The following CLDN22 variants were observed in gnomAD, a reference collection of about 807,000 sequenced individuals.
CLDN22 encodes the protein claudin-22.
For missense variants in CLDN22, 227 were observed against 252.2 expected, an observed-to-expected ratio of 0.90 and a Z score of 0.68; for synonymous variants, 86 against 107.9, an observed-to-expected ratio of 0.80 and a Z score of 1.26.
chr4:183,320,028 C>A lies in CLDN22; in HGVS notation c.191G>T (p.Cys64Phe). ...CVIQEEVGMQ[C>F]KDFDSFLALP... ...AGCCAGGAAGGAGTCAAAGTCCTTG[C>A]ATTGCATCCCCACTTCCTCTTGGAT... Residue 64 changes from cysteine to phenylalanine, a missense_variant, in exon 1 of 1, where the codon TGC becomes TTC. By Grantham distance (205) the Cys-to-Phe change is radical. Coordinates refer to ENST00000323319, the MANE Select transcript of CLDN22 (RefSeq NM_001111319.3). 1 of 1,614,022 alleles carries A rather than the reference C, an allele frequency of 6.2e-7. No homozygotes were observed. Among genetic ancestry groups the A allele is most frequent in the Non-Finnish European group, 8.5e-7 (1 of 1,179,934 alleles).
rs772267389 is a variant in CLDN22 at position 183,318,458 on chromosome 4, T to C, written c.*1098A>G. The stretch of plus-strand genomic sequence containing the variant: ...GATTAACTGGTTTCTGCACTTTCCA[T>C]GTGTTTGTGGGTGGAAAAAAATTCA... On this transcript the variant is annotated 3_prime_UTR_variant, in exon 1 of 1. Coordinates refer to ENST00000323319, the MANE Select transcript of CLDN22 (RefSeq NM_001111319.3). 6.7e-6 allele frequency: 1 copy of C among 150,320 alleles called. No individual in the cohort carries two copies. The highest frequency in any genetic ancestry group is 1.5e-5 in the Non-Finnish European group (1 of 67,680). 9.3% of individuals were successfully genotyped at this position (150,320 alleles called of 1,614,324 possible). A position where few individuals can be genotyped will look rare whatever the true frequency, so the allele number is the denominator to read the frequency against.
rs1409417673 is a variant in CLDN22 at position 183,319,040 on chromosome 4, T to C, written c.*516A>G. 1.3e-5 allele frequency: 2 copies of C among 153,450 alleles called. No homozygotes were observed. Among genetic ancestry groups the C allele is most frequent in the African/African-American group, 2.4e-5 (1 of 41,472 alleles). The allele number at this position is 153,450 out of a possible 1,614,324, so 9.5% of individuals were successfully genotyped here. A position where few individuals can be genotyped will look rare whatever the true frequency, so the allele number is the denominator to read the frequency against. On this transcript the variant is annotated 3_prime_UTR_variant, in exon 1 of 1. Coordinates refer to ENST00000323319, the MANE Select transcript of CLDN22 (RefSeq NM_001111319.3). ...TGGCTGCCTTTTGAAAAAGGTTCCA[T>C]AGAGACACTGAGGTCTCTGATTCAG...
Position 183,320,085 on chromosome 4 carries a change from T to G in CLDN22, c.134A>C (p.Asn45Thr). The G allele has an allele frequency of 1.2e-6, 2 of 1,614,064 alleles. No homozygotes were observed. Among genetic ancestry groups the G allele is most frequent in the Non-Finnish European group, 1.7e-6 (2 of 1,180,024 alleles). The change falls in exon 1 of 1, where the codon AAC (asparagine) becomes ACC (threonine). Residue 45 changes from asparagine to threonine, a missense_variant. Physicochemically the swap from Asn to Thr is moderately conservative, Grantham distance 65. Coordinates refer to ENST00000323319, the MANE Select transcript of CLDN22 (RefSeq NM_001111319.3). ...GGTTTGCCAGAGTCCCATGGTCCAG[T>G]TTTCCATTTCATTTAAGTCCAGGTT... is the stretch of plus-strand genomic sequence containing the variant. ...NLNLDLNEME[N>T]WTMGLWQTCV...
rs1402351638 is a variant in CLDN22 at position 183,318,676 on chromosome 4, G to A, written c.*880C>T. The A allele has an allele frequency of 6.6e-6, 1 of 152,164 alleles. No individual in the cohort carries two copies. Among genetic ancestry groups the A allele is most frequent in the Non-Finnish European group, 1.5e-5 (1 of 68,022 alleles). 9.4% of individuals were successfully genotyped at this position (152,164 alleles called of 1,614,324 possible). ...TGGCAGTTTGTGATGAATAGTTCTT[G>A]TTGGAACTATATGTATTGCTGATAA... On this transcript the variant is annotated 3_prime_UTR_variant, in exon 1 of 1. Transcript: ENST00000323319.
Position 183,319,651 on chromosome 4 carries a change from T to G in CLDN22, c.568A>C (p.Ser190Arg). ...TGGCCCGAAGCTAGGGGAGCGTGGCTGGAGCAGGCTGCACAGTGGAGCAGA... is the reference window on the plus strand; with the variant it reads ...TGGCCCGAAGCTAGGGGAGCGTGGCGGGAGCAGGCTGCACAGTGGAGCAGA... ...GCLLHCAACS[S>R]HAPLASGHYA... Residue 190 changes from serine (S) to arginine (R), a missense_variant, in exon 1 of 1, where the codon AGC (serine) becomes CGC (arginine). Physicochemically the swap from Ser to Arg is moderately radical, Grantham distance 110. Transcript: ENST00000323319. 1.2e-6 allele frequency: 2 copies of G among 1,614,124 alleles called. No homozygotes were observed. Among genetic ancestry groups the G allele is most frequent in the Non-Finnish European group, 1.7e-6 (2 of 1,180,014 alleles).
In CLDN22 at chr4:183,319,001, G is replaced by A. The variant is rs1739541225; in HGVS notation, c.*555C>T. Reference sequence around the variant, plus strand: ...CCCTCCTGCCTCTGACAGTATAGAAGGCGTGACTGAATGTGGCTGCCTTTT... The same window carrying A: ...CCCTCCTGCCTCTGACAGTATAGAAAGCGTGACTGAATGTGGCTGCCTTTT... On this transcript the variant is annotated 3_prime_UTR_variant, in exon 1 of 1. Transcript: ENST00000323319. The A allele has an allele frequency of 6.5e-6, 1 of 152,842 alleles. No homozygotes were observed. Among genetic ancestry groups the A allele is most frequent in the Admixed American group, 6.5e-5 (1 of 15,368 alleles). The allele number at this position is 152,842 out of a possible 1,614,324, so 9.5% of individuals were successfully genotyped here. A position where few individuals can be genotyped will look rare whatever the true frequency, so the allele number is the denominator to read the frequency against.
In CLDN22 at chr4:183,319,706, A is replaced by G; in HGVS notation, c.513T>C (p.Phe171=). 6.2e-7 allele frequency: 1 copy of G among 1,614,128 alleles called. No homozygotes were observed. Among genetic ancestry groups the G allele is most frequent in the Non-Finnish European group, 8.5e-7 (1 of 1,180,028 alleles). The change falls in exon 1 of 1, where the codon TTT becomes TTC. Residue 171 remains phenylalanine (F), a synonymous_variant. Transcript: ENST00000323319. The stretch of plus-strand genomic sequence containing the variant: ...CTCCTAGCAGAAGAGAAAGTCCAGC[A>G]AACCAGCCCAGAAACAGGGCCTCCC... ...EFGEALFLGW[F]AGLSLLLGGC... is the part of the protein sequence containing the mutation.
rs768517080 is a variant in CLDN22, at chr4:183,319,783, G to A, written c.436C>T (p.Gln146Ter). 1 of 1,614,002 alleles carries A rather than the reference G, an allele frequency of 6.2e-7. No homozygotes were observed. Among genetic ancestry groups the A allele is most frequent in the Non-Finnish European group, 8.5e-7 (1 of 1,179,946 alleles). Residue 146 changes from glutamine to a stop codon, truncating the protein, a stop_gained, in exon 1 of 1, where the codon CAG (glutamine) becomes TAG (stop). Transcript: ENST00000323319. LOFTEE classifies it low-confidence loss of function (END_TRUNC). The part of the protein sequence containing the change: ...PVSWVAHKTV[Q>*]EFWDENVPDF... ...GGGACGTTCTCATCCCAGAACTCCTGAACCGTCTTGTGGGCAACCCAAGAG... is the reference window on the plus strand; with the variant it reads ...GGGACGTTCTCATCCCAGAACTCCTAAACCGTCTTGTGGGCAACCCAAGAG...
At position 183,318,376 on chromosome 4, in the gene CLDN22, G is replaced by A. The variant is rs1373248990; in HGVS notation, c.*1180C>T. Reference sequence around the variant, plus strand: ...TTAATATTTAATCAGGTTAAATTCTGAACATGTTTCTGTTTTAATTTGTCT... The same window carrying A: ...TTAATATTTAATCAGGTTAAATTCTAAACATGTTTCTGTTTTAATTTGTCT... On this transcript the variant is annotated 3_prime_UTR_variant, in exon 1 of 1. Transcript: ENST00000323319. The A allele has an allele frequency of 6.6e-6, 1 of 152,384 alleles. No homozygotes were observed. Among genetic ancestry groups the A allele is most frequent in the African/African-American group, 2.4e-5 (1 of 41,382 alleles). 9.4% of individuals were successfully genotyped at this position (152,384 alleles called of 1,614,324 possible).
rs1364799738 is a variant in CLDN22 at position 183,318,709 on chromosome 4, C to T, written c.*847G>A. 6.6e-6 allele frequency: 1 copy of T among 152,098 alleles called. No individual in the cohort carries two copies. Among genetic ancestry groups the T allele is most frequent in the African/African-American group, 2.4e-5 (1 of 41,394 alleles). The allele number at this position is 152,098 out of a possible 1,614,324, so 9.4% of individuals were successfully genotyped here. ...TATATGTATTGCTGATAAAAAAGGACGAAGTATTTTCATTGAGCAAATAAA... is the reference window on the plus strand; with the variant it reads ...TATATGTATTGCTGATAAAAAAGGATGAAGTATTTTCATTGAGCAAATAAA... On this transcript the variant is annotated 3_prime_UTR_variant, in exon 1 of 1. Coordinates refer to ENST00000323319, the MANE Select transcript of CLDN22 (RefSeq NM_001111319.3).
rs780438479 is a variant in CLDN22 at position 183,319,704 on chromosome 4, G to A, written c.515C>T (p.Ala172Val). ...FGEALFLGWF[A>V]GLSLLLGGCL... ...CCCTCCTAGCAGAAGAGAAAGTCCA[G>A]CAAACCAGCCCAGAAACAGGGCCTC... Residue 172 changes from alanine (A) to valine (V), a missense_variant, in exon 1 of 1, where the codon GCT (alanine) becomes GTT (valine). Physicochemically the swap from Ala to Val is moderately conservative, Grantham distance 64 (BLOSUM62 0). Coordinates refer to ENST00000323319, the MANE Select transcript of CLDN22 (RefSeq NM_001111319.3). The A allele has an allele frequency of 6.2e-7, 1 of 1,613,968 alleles. No homozygotes were observed. The highest frequency in any genetic ancestry group is 8.5e-7 in the Non-Finnish European group (1 of 1,180,034).
rs1189143361 is a variant in CLDN22 at position 183,318,158 on chromosome 4, C to T, written c.*1398G>A. Reference sequence around the variant, plus strand: ...TAAAAAGAATGTAATATTTAGTTCTCAAGTTTGAATTATCAGTATATTATT... The same window carrying T: ...TAAAAAGAATGTAATATTTAGTTCTTAAGTTTGAATTATCAGTATATTATT... On this transcript the variant is annotated 3_prime_UTR_variant, in exon 1 of 1. Transcript: ENST00000323319. The T allele has an allele frequency of 6.6e-6, 1 of 152,398 alleles. No homozygotes were observed. Among genetic ancestry groups the T allele is most frequent in the Admixed American group, 6.5e-5 (1 of 15,268 alleles). The allele number at this position is 152,398 out of a possible 1,614,324, so 9.4% of individuals were successfully genotyped here.
Position 183,318,405 on chromosome 4 carries a change from T to A in CLDN22, c.*1151A>T, listed in dbSNP as rs1208976225. ...ATGTTTCTGTTTTAATTTGTCTTGT[T>A]TGTAAACGTATGCAAATACATCACA... On this transcript the variant is annotated 3_prime_UTR_variant, in exon 1 of 1. Transcript: ENST00000323319. 3 of 152,668 alleles carry A rather than the reference T, an allele frequency of 2.0e-5. No homozygotes were observed. Among genetic ancestry groups the A allele is most frequent in the Non-Finnish European group, 4.4e-5 (3 of 68,036 alleles). 9.5% of individuals were successfully genotyped at this position (152,668 alleles called of 1,614,324 possible). A position where few individuals can be genotyped will look rare whatever the true frequency, so the allele number is the denominator to read the frequency against.
In CLDN22 at chr4:183,319,780, C is replaced by G. The variant is rs549983643; in HGVS notation, c.439G>C (p.Glu147Gln). Reference protein sequence around the residue: ...VSWVAHKTVQEFWDENVPDFV... With the variant: ...VSWVAHKTVQQFWDENVPDFV... ...TCTGGGACGTTCTCATCCCAGAACTCCTGAACCGTCTTGTGGGCAACCCAA... is the reference window on the plus strand; with the variant it reads ...TCTGGGACGTTCTCATCCCAGAACTGCTGAACCGTCTTGTGGGCAACCCAA... Residue 147 changes from glutamate (E) to glutamine (Q), a missense_variant, in exon 1 of 1, where the codon GAG (glutamate) becomes CAG (glutamine). Physicochemically the swap from Glu to Gln is conservative, Grantham distance 29 (BLOSUM62 2). Transcript: ENST00000323319. 1.7e-5 allele frequency: 28 copies of G among 1,613,932 alleles called. No homozygotes were observed. Among genetic ancestry groups the G allele is most frequent in the Non-Finnish European group, 2.2e-5 (26 of 1,179,968 alleles).
chr4:183,318,918 G>T lies in CLDN22; in HGVS notation c.*638C>A, dbSNP rs1286544618. On this transcript the variant is annotated 3_prime_UTR_variant, in exon 1 of 1. Coordinates refer to ENST00000323319, the MANE Select transcript of CLDN22 (RefSeq NM_001111319.3). Reference sequence around the variant, plus strand: ...GCTGCCCGTGAAATACAGAACACAGGATGCAGAAGCACGTTTGTGTGGCAG... The same window carrying T: ...GCTGCCCGTGAAATACAGAACACAGTATGCAGAAGCACGTTTGTGTGGCAG... 1 of 152,324 alleles carries T rather than the reference G, an allele frequency of 6.6e-6. No homozygotes were observed. Among genetic ancestry groups the T allele is most frequent in the African/African-American group, 2.4e-5 (1 of 41,420 alleles). 9.4% of individuals were successfully genotyped at this position (152,324 alleles called of 1,614,324 possible). A position where few individuals can be genotyped will look rare whatever the true frequency, so the allele number is the denominator to read the frequency against.
In CLDN22 at chr4:183,319,810, C is replaced by T. The variant is rs369595334; in HGVS notation, c.409G>A (p.Val137Ile). ...ACCGTCTTGTGGGCAACCCAAGAGA[C>T]GGGAACCAGGGCTGTGACTCCCGAG... ...WASGVTALVPVSWVAHKTVQE... is the reference protein window; with the variant it reads ...WASGVTALVPISWVAHKTVQE... Residue 137 changes from valine (V) to isoleucine (I), a missense_variant, in exon 1 of 1, where the codon GTC becomes ATC. Coordinates refer to ENST00000323319, the MANE Select transcript of CLDN22 (RefSeq NM_001111319.3). 1.5e-5 allele frequency: 24 copies of T among 1,613,990 alleles called. No individual in the cohort carries two copies. The highest frequency in any genetic ancestry group is 4.0e-5 in the African/African-American group (3 of 75,006).
In CLDN22 at chr4:183,319,184, T is replaced by C. The variant is rs1739547293; in HGVS notation, c.*372A>G. 1 of 176,076 alleles carries C rather than the reference T, an allele frequency of 5.7e-6. No individual in the cohort carries two copies. The highest frequency in any genetic ancestry group is 1.2e-5 in the Non-Finnish European group (1 of 81,848). 10.9% of individuals were successfully genotyped at this position (176,076 alleles called of 1,614,324 possible). A position where few individuals can be genotyped will look rare whatever the true frequency, so the allele number is the denominator to read the frequency against. ...ATGCAACAAGACCTCAGGCTTATTA[T>C]ACTAGGTTATCTTAAACACCTGAAA... On this transcript the variant is annotated 3_prime_UTR_variant, in exon 1 of 1. Transcript: ENST00000323319.
chr4:183,320,040 A>G lies in CLDN22; in HGVS notation c.179T>C (p.Val60Ala), dbSNP rs1739590186. Residue 60 changes from valine to alanine, a missense_variant, in exon 1 of 1, where the codon GTG becomes GCG. Physicochemically the swap from Val to Ala is moderately conservative, Grantham distance 64. Coordinates refer to ENST00000323319, the MANE Select transcript of CLDN22 (RefSeq NM_001111319.3). ...LWQTCVIQEE[V>A]GMQCKDFDSF... ...GTCAAAGTCCTTGCATTGCATCCCC[A>G]CTTCCTCTTGGATGACACAGGTTTG... The G allele has an allele frequency of 5.0e-6, 8 of 1,613,962 alleles. No homozygotes were observed. Among genetic ancestry groups the G allele is most frequent in the Non-Finnish European group, 6.8e-6 (8 of 1,179,964 alleles).
rs199788573 is a variant in CLDN22 at position 183,319,540 on chromosome 4, G to A, written c.*16C>T. 2.4e-4 allele frequency: 385 copies of A among 1,597,016 alleles called. 1 individual carries two copies. The highest frequency in any genetic ancestry group is 9.0e-4 in the African/African-American group (67 of 74,532). On this transcript the variant is annotated 3_prime_UTR_variant, in exon 1 of 1. Coordinates refer to ENST00000323319, the MANE Select transcript of CLDN22 (RefSeq NM_001111319.3). ...AGCAAGCGTCTCCTGAACAGCAGAC[G>A]CTTGTCCTTTCTGGCTTAGTGTTTC...
Sources: allele counts gnomAD v4.1 joint callset, GRCh38; gene constraint gnomAD v4.1.1; transcripts MANE v1.5; gene names NCBI Gene and HGNC (gene_info 2026-07-23, HGNC 2026-07-21).